The following ESRRG variants were observed in gnomAD, a reference collection of about 807,000 sequenced individuals.
The protein encoded by ESRRG is estrogen related receptor gamma, also known as estrogen-related receptor gamma.
In ESRRG, 13 loss-of-function variants were observed where a neutral mutation model predicts 44.0. The ratio of observed to expected loss-of-function variants is 0.30; its 90% CI spans 0.19 to 0.47. ESRRG has a LOEUF of 0.47. Ranked by LOEUF, ESRRG falls within the 20% of genes least tolerant of loss-of-function variation. ESRRG has a pLI of 1.00. For missense variants in ESRRG, 395 were observed against 580.6 expected (o/e 0.68, Z 3.29); for synonymous variants, 215 against 214.6 (o/e 1.00, Z -0.02).
intron 1 of ESRRG, among the ~76,000 whole-genome samples, chr1:217,136,809 C>A (rs1311902560): frequency 6.6e-6 from 1 of 152,240 alleles, no homozygotes; most frequent in African/African-American, 2.4e-5. Context: ...ATACACCAAA[C>A]TTCCCAGTTC....
At chr1:217,064,529 T>C (rs2089280023) in intron 1 of ESRRG, among the ~76,000 whole-genome samples, 1 of 152,094 alleles carries the variant, frequency 6.6e-6, no homozygotes, top group Admixed American at 6.6e-5. Context: ...GAGAGAAGTC[T>C]CAAAGAAGCT....
intron 2 of ESRRG, among the ~76,000 whole-genome samples, chr1:216,902,919 C>T (rs760174013): frequency 7.2e-5 from 11 of 152,120 alleles, no homozygotes; most frequent in Non-Finnish European, 1.6e-4. Flanking sequence ...GAACTCCATC[C>T]TGTTTGCACG....
chr1:217,049,919 G>A (rs1254749802), intron 1 of ESRRG, among the ~76,000 whole-genome samples: 1 of 152,240 alleles, frequency 6.6e-6, no homozygotes, highest in Non-Finnish European at 1.5e-5. Context: ...TGGATGGAAA[G>A]GGCTTAGCTC....
At chr1:217,113,569 A>T (rs1301790177) in intron 1 of ESRRG, among the ~76,000 whole-genome samples, 3 of 152,162 alleles carry the variant, frequency 2.0e-5, no homozygotes, top group South Asian at 2.1e-4. Context: ...CCAATGCTAC[A>T]ATAGAAAGAG....
intron 1 of ESRRG, among the ~76,000 whole-genome samples, chr1:217,007,092 A>G (rs1296553649): frequency 3.3e-5 from 5 of 152,160 alleles, no homozygotes; most frequent in Admixed American, 6.5e-5. Context: ...GACTGTAAGG[A>G]GTTCAGAGAT....
At chr1:216,849,662 G>C (rs948503791) in intron 2 of ESRRG, among the ~76,000 whole-genome samples, 2 of 152,002 alleles carry the variant, frequency 1.3e-5, no homozygotes, top group African/African-American at 4.8e-5. Flanking sequence ...AACTTTCCTT[G>C]ATACAGATTA....
chr1:216,993,451 A>G (rs1411829894), intron 1 of ESRRG, among the ~76,000 whole-genome samples: 1 of 152,190 alleles, frequency 6.6e-6, no homozygotes, highest in Non-Finnish European at 1.5e-5. Flanking sequence ...CTTATATGCA[A>G]CCCAAGAAGA....
rs1311902370 is a variant in ESRRG, at chr1:216,503,441, C to CA, written c.*3497dup. On this transcript the variant is annotated 3_prime_UTR_variant, in exon 7 of 7. Coordinates refer to ENST00000408911, the MANE Select transcript of ESRRG (RefSeq NM_001438.4). ...GGAGCACACAGTATGGTACACATCA[C>CA]AAAAATATACAATTGATTGCTTTAC... 1.3e-5 allele frequency: 2 copies of CA among 152,442 alleles called. No homozygotes were observed. The highest frequency in any genetic ancestry group is 2.9e-5 in the Non-Finnish European group (2 of 67,980). 9.4% of individuals were successfully genotyped at this position (152,442 alleles called of 1,614,324 possible). A position where few individuals can be genotyped will look rare whatever the true frequency, so the allele number is the denominator to read the frequency against.
chr1:217,072,083 T>A (rs1334977433), intron 1 of ESRRG, among the ~76,000 whole-genome samples: 1 of 152,228 alleles, frequency 6.6e-6, no homozygotes, highest in East Asian at 1.9e-4. Context: ...ATTATTGATG[T>A]TCAGTAACAT....
intron 2 of ESRRG, chr1:216,854,971 C>T (rs893262814): frequency 6.6e-6 from 1 of 152,164 alleles, no homozygotes; most frequent in Admixed American, 6.5e-5. Flanking sequence ...CTTTTGGTCA[C>T]ACTGAGCAAT....
chr1:216,655,021 A>T (rs201862751), intron 2 of ESRRG, among the ~76,000 whole-genome samples: 1 of 152,214 alleles, frequency 6.6e-6, no homozygotes, highest in East Asian at 1.9e-4. Flanking sequence ...AAAAGGCAGA[A>T]GGGAATCTGT....
rs549827731 is a variant in ESRRG at position 216,796,954 on chromosome 1, C to T, written c.-13-119463G>A. On this transcript the variant is annotated intron_variant, in intron 2 of 7. Transcript: ENST00000359162. ...TTGCCCAGGCTGGAGTGCAGTGGTG[C>T]GATCTCGGCTCACTACAATTTCTGC... Among the ~76,000 whole-genome samples the T allele has an allele frequency of 1.9e-3, 294 of 152,168 alleles. 3 individuals are homozygous for T. Among genetic ancestry groups the T allele is most frequent in the Non-Finnish European group, 7.8e-4 (53 of 68,018 alleles).
chr1:217,061,162 A>G (rs573352399), intron 1 of ESRRG, among the ~76,000 whole-genome samples: 1 of 152,196 alleles, frequency 6.6e-6, no homozygotes, highest in South Asian at 2.1e-4. Flanking sequence ...CTTGTTCAAG[A>G]CAAAGACAAA....
intron 1 of ESRRG, among the ~76,000 whole-genome samples, chr1:217,008,930 T>C (rs545087083): frequency 4.6e-5 from 7 of 152,220 alleles, no homozygotes; most frequent in Non-Finnish European, 5.9e-5. Flanking sequence ...CTTGAGACTT[T>C]AATCAGAGAT....
chr1:216,842,760 C>G (rs1283733956), intron 2 of ESRRG, among the ~76,000 whole-genome samples: 1 of 152,156 alleles, frequency 6.6e-6, no homozygotes, highest in African/African-American at 2.4e-5. Context: ...ATCCAAGAAG[C>G]AAAGGTGCTA....
intron 2 of ESRRG, among the ~76,000 whole-genome samples, chr1:216,801,358 C>G (rs971794031): frequency 1.3e-5 from 2 of 152,180 alleles, no homozygotes; most frequent in African/African-American, 4.8e-5. Context: ...CATGCCAGCA[C>G]TCCTAGTTCT....
intron 1 of ESRRG, among the ~76,000 whole-genome samples, chr1:217,038,101 T>C (rs917397349): frequency 2.6e-5 from 4 of 152,184 alleles, no homozygotes; most frequent in African/African-American, 9.6e-5. Flanking sequence ...TACAAGCTGT[T>C]GGTGTATCCA....
At chr1:216,712,271 T>C (rs533867837) in intron 1 of ESRRG, among the ~76,000 whole-genome samples, 19 of 152,302 alleles carry the variant, frequency 1.2e-4, no homozygotes, top group African/African-American at 4.6e-4. Flanking sequence ...CACTTAGCAA[T>C]GCTATATAAC....
At chr1:217,080,912 C>T (rs1047318110) in intron 1 of ESRRG, among the ~76,000 whole-genome samples, 7 of 151,802 alleles carry the variant, frequency 4.6e-5, no homozygotes, top group African/African-American at 9.7e-5. Context: ...CTCCTGACCT[C>T]GTGATCCGCC....
Sources: gnomAD v4.1 joint callset for allele counts (sites outside exome capture counted in the v4.1 genomes callset) on GRCh38, gnomAD v4.1.1 for gene constraint, MANE v1.5 for transcripts, NCBI Gene and HGNC (gene_info 2026-07-23, HGNC 2026-07-21) for gene names.